Variants in SPG11 observed in about 807,000 individuals in gnomAD.
SPG11 encodes SPG11 vesicle trafficking associated, spatacsin, also known as spatacsin.
Under a neutral mutation model 274.0 loss-of-function variants are expected in SPG11, and 222 were observed. That is an observed-to-expected ratio of 0.81 (90% CI 0.73 to 0.91). The LOEUF (loss-of-function observed/expected upper bound fraction) is 0.91. Ranked by LOEUF, SPG11 falls within the 40% of genes least tolerant of loss-of-function variation. SPG11 has a pLI of 0.00. For synonymous variants in SPG11, 1,144 were observed against 1,039.7 expected, an observed-to-expected ratio of 1.10 and a Z score of -1.93; for missense variants, 3,114 against 2,872.7, an observed-to-expected ratio of 1.08 and a Z score of -1.92.
At chr15:44,585,956 A>T in intron 28 of SPG11, 106 bp from the exon 29 acceptor site, 2 of 832,900 alleles carry the variant, frequency 2.4e-6, no homozygotes, top group Non-Finnish European at 3.9e-6. Flanking sequence ...TAACATAGTA[A>T]TGTGGTTAAA....
Position 44,595,400 on chromosome 15 carries a change from AAC to A in SPG11, c.4492_4493del (p.Val1498CysfsTer3), listed in dbSNP as rs1253338376. ...GAATGTGTCCCATTGCTTCAGTTGCAACATTGTCCTCCACAGAAGTGATGATC... is the reference window on the plus strand; with the variant it reads ...GAATGTGTCCCATTGCTTCAGTTGCAATTGTCCTCCACAGAAGTGATGATC... ...VWIITSVEDN[V>X]ATEAMGHIQD... On this transcript the variant is annotated frameshift_variant, in exon 26 of 40. Transcript: ENST00000261866. LOFTEE classifies it high-confidence loss of function. 1 of 1,614,218 alleles carries A rather than the reference AAC, an allele frequency of 6.2e-7. No individual in the cohort carries two copies.
chr15:44,628,343 G>C (rs1331991344), intron 10 of SPG11, among the ~76,000 whole-genome samples: 1 of 152,208 alleles, frequency 6.6e-6, no homozygotes, highest in Non-Finnish European at 1.5e-5. Context: ...GAATGCATGT[G>C]TCCAAAGCAC....
intron 9 of SPG11, 114 bp from the exon 10 acceptor site, chr15:44,628,958 A>G: frequency 2.8e-6 from 3 of 1,086,650 alleles, no homozygotes; most frequent in Non-Finnish European, 4.1e-6. Flanking sequence ...TTTAAATTTC[A>G]AACAATATGT....
At chr15:44,660,061 A>T (rs1048818650) in intron 2 of SPG11, among the ~76,000 whole-genome samples, 5 of 152,196 alleles carry the variant, frequency 3.3e-5, no homozygotes, top group Non-Finnish European at 7.3e-5. Context: ...ACTGTCTCAA[A>T]AAAATAAAAT....
chr15:44,581,880 T>A (rs1595840039), intron 30 of SPG11, among the ~76,000 whole-genome samples: 1 of 152,180 alleles, frequency 6.6e-6, no homozygotes, highest in African/African-American at 2.4e-5. Flanking sequence ...CACTGTCATC[T>A]CTAAAAAAAT....
intron 8 of SPG11, among the ~76,000 whole-genome samples, chr15:44,630,806 T>C (rs547222977): frequency 2.0e-5 from 3 of 152,164 alleles, no homozygotes; most frequent in African/African-American, 7.2e-5. Flanking sequence ...TCTCGAACTC[T>C]TGACCTCATG....
Position 44,585,625 on chromosome 15 carries a change from ACCG to A in SPG11, c.5121+8_5121+10del. On this transcript the variant is annotated splice_region_variant and intron_variant, in intron 29 of 39. Transcript: ENST00000261866. ...TCTAAAAAAAAAAAAAAAAAAAAAG[ACCG>A]ATGATACCTCTTTAATAACCAAGTT... The A allele has an allele frequency of 6.6e-7, 1 of 1,511,446 alleles. No homozygotes were observed. Among genetic ancestry groups the A allele is most frequent in the Non-Finnish European group, 9.1e-7 (1 of 1,098,232 alleles). The allele number at this position is 1,511,446 out of a possible 1,614,324, so 93.6% of individuals were successfully genotyped here.
At chr15:44,599,573 C>T (rs1180042255) in intron 21 of SPG11, among the ~76,000 whole-genome samples, 1 of 152,178 alleles carries the variant, frequency 6.6e-6, no homozygotes. Flanking sequence ...GCTGGGATTA[C>T]AGGTGTGAGC....
chr15:44,567,445 A>G lies in SPG11; in HGVS notation c.6733T>C (p.Leu2245=), dbSNP rs1249870848. The part of the protein sequence containing the change: ...HEAAARIQLK[L]IESQPWEDSL... ...TCACCCCAGGGCTGAGACTCAATCA[A>G]TTTCAGTTGGATGCGGGCAGCTGCC... is the stretch of plus-strand genomic sequence containing the variant. The change falls in exon 36 of 40, where the codon TTG becomes CTG. Residue 2245 remains leucine, a synonymous_variant. Transcript: ENST00000261866. 16 of 1,613,616 alleles carry G rather than the reference A, an allele frequency of 9.9e-6. No homozygotes were observed. The highest frequency in any genetic ancestry group is 1.3e-5 in the Non-Finnish European group (15 of 1,179,942).
intron 10 of SPG11, 46 bp from the exon 11 acceptor site, chr15:44,626,553 T>C: frequency 6.4e-7 from 1 of 1,568,020 alleles, no homozygotes; most frequent in Non-Finnish European, 8.8e-7. Context: ...TTTCATTTCC[T>C]TATTATGATT....
chr15:44,646,573 G>C (rs1025970543), intron 7 of SPG11, among the ~76,000 whole-genome samples: 1 of 152,000 alleles, frequency 6.6e-6, no homozygotes, highest in Non-Finnish European at 1.5e-5. Flanking sequence ...ATTTGGGTGG[G>C]GACACAGAGC....
At position 44,573,596 on chromosome 15, in the gene SPG11, G is replaced by A. The variant is rs752218927; in HGVS notation, c.6156C>T (p.Leu2052=). The part of the protein sequence containing the change: ...QGLKPDTVAE[L]VAEEVTRELL... The stretch of plus-strand genomic sequence containing the variant: ...GCTCCCGTGTCACCTCTTCTGCCAC[G>A]AGTTCAGCCACAGTATCTGGCTTAA... Residue 2052 remains leucine, a synonymous_variant, in exon 32 of 40, where the codon CTC becomes CTT. Coordinates refer to ENST00000261866, the MANE Select transcript of SPG11 (RefSeq NM_025137.4). 10 of 1,614,052 alleles carry A rather than the reference G, an allele frequency of 6.2e-6. No individual in the cohort carries two copies. The highest frequency in any genetic ancestry group is 1.7e-5 in the Admixed American group (1 of 60,000).
chr15:44,641,946 GAAAC>G (rs901793917), intron 7 of SPG11, among the ~76,000 whole-genome samples: 9 of 135,476 alleles, frequency 6.6e-5, no homozygotes, highest in Non-Finnish European at 1.1e-4. Flanking sequence ...AAAAAAAAAG[GAAAC>G]AACTTAAAGC....
rs922561928 is a variant in SPG11 at position 44,663,424 on chromosome 15, C to G, written c.224G>C (p.Gly75Ala). Reference sequence around the variant, plus strand: ...GGGGCCCTCCAGGCAGCAGCGACCCCCGCCCCGGCTGCCAGGCGTCAAAGA... The same window carrying G: ...GGGGCCCTCCAGGCAGCAGCGACCCGCGCCCCGGCTGCCAGGCGTCAAAGA... ...VLSLTPGSRG[G>A]GRCCLEGPFW... Residue 75 changes from glycine (G) to alanine (A), a missense_variant, in exon 1 of 40, where the codon GGG becomes GCG. Coordinates refer to ENST00000261866, the MANE Select transcript of SPG11 (RefSeq NM_025137.4). 6.2e-7 allele frequency: 1 copy of G among 1,605,646 alleles called. No individual in the cohort carries two copies. Among genetic ancestry groups the G allele is most frequent in the East Asian group, 2.3e-5 (1 of 44,416 alleles).
chr15:44,651,927 G>C lies in SPG11; in HGVS notation c.1020C>G (p.Ala340=). 7 of 1,610,814 alleles carry C rather than the reference G, an allele frequency of 4.3e-6. No individual in the cohort carries two copies. The highest frequency in any genetic ancestry group is 5.9e-6 in the Non-Finnish European group (7 of 1,179,408). ...FSFQIDRSWK[A]QLSSLNETIK... Reference sequence around the variant, plus strand: ...TTGTTTCATTCAATGATGATAGCTGGGCTTTCCAAGACCTGGAAACAAGGT... The same window carrying C: ...TTGTTTCATTCAATGATGATAGCTGCGCTTTCCAAGACCTGGAAACAAGGT... Residue 340 remains alanine, a synonymous_variant, in exon 6 of 40, where the codon GCC becomes GCG. Coordinates refer to ENST00000261866, the MANE Select transcript of SPG11 (RefSeq NM_025137.4).
At chr15:44,576,994 T>C (rs1276657250) in intron 30 of SPG11, among the ~76,000 whole-genome samples, 3 of 151,854 alleles carry the variant, frequency 2.0e-5, no homozygotes, top group Non-Finnish European at 4.4e-5. Context: ...GCCCAGCTAA[T>C]TTTTTGTATT....
At chr15:44,564,785 A>C (rs2082276187) in intron 38 of SPG11, 87 bp from the exon 39 acceptor site, 1 of 1,398,470 alleles carries the variant, frequency 7.2e-7, no homozygotes, top group African/African-American at 1.4e-5. Flanking sequence ...AATACTGTAT[A>C]CTCACTCATG....
rs1402455800 is a variant in SPG11 at position 44,633,498 on chromosome 15, C to T, written c.1735+7G>A. 1 of 1,580,320 alleles carries T rather than the reference C, an allele frequency of 6.3e-7. No homozygotes were observed. Among genetic ancestry groups the T allele is most frequent in the Admixed American group, 1.7e-5 (1 of 58,564 alleles). ...AATACAAATGTAGAAATCTTTATTC[C>T]ACTTACTTCTTAAATATAAATGGGA... On this transcript the variant is annotated splice_region_variant and intron_variant, in intron 8 of 39. Coordinates refer to ENST00000261866, the MANE Select transcript of SPG11 (RefSeq NM_025137.4).
chr15:44,565,910 T>G lies in SPG11; in HGVS notation c.6943A>C (p.Asn2315His). The change falls in exon 38 of 40, where the codon AAC (asparagine) becomes CAC (histidine). Residue 2315 changes from asparagine (N) to histidine (H), a missense_variant. Coordinates refer to ENST00000261866, the MANE Select transcript of SPG11 (RefSeq NM_025137.4). ...TCCATCAGCTTGTGGCGGCCCAAGT[T>G]GATGAGCATTGTGTTCTGGCCAGTG... is the stretch of plus-strand genomic sequence containing the variant. ...LNTGQNTMLINLGRHKLMDCI... is the reference protein window; with the variant it reads ...LNTGQNTMLIHLGRHKLMDCI... The G allele has an allele frequency of 1.2e-6, 2 of 1,613,712 alleles. No individual in the cohort carries two copies.
Sources: gnomAD v4.1 joint callset for allele counts (sites outside exome capture counted in the v4.1 genomes callset) on GRCh38, gnomAD v4.1.1 for gene constraint, MANE v1.5 for transcripts, NCBI Gene and HGNC (gene_info 2026-07-23, HGNC 2026-07-21) for gene names.